DIS3: variants seen among roughly 807,000 people sequenced by gnomAD.
DIS3 encodes exosome complex exonuclease RRP44.
In DIS3, 103 loss-of-function variants were observed where a neutral mutation model predicts 113.0. That is an observed-to-expected ratio of 0.91 (90% CI 0.78 to 1.07). The LOEUF is 1.07. Among genes scored for constraint, DIS3 ranks in the 50% least tolerant of loss-of-function variants. The pLI, the probability that DIS3 is intolerant of heterozygous loss-of-function variation, is 0.00. For synonymous variants in DIS3, 402 were observed against 394.3 expected (o/e 1.02, Z -0.23); for missense variants, 1,121 against 1,167.1 (o/e 0.96, Z 0.58).
At chr13:72,775,476 C>T in intron 5 of DIS3, 101 bp from the exon 6 acceptor site, 1 of 1,244,942 alleles carries the variant, frequency 8.0e-7, no homozygotes, top group Non-Finnish European at 1.1e-6. Context: ...CTGAATATCT[C>T]TATGGAATCT....
At chr13:72,774,155 A>G in intron 6 of DIS3, 96 bp from the exon 7 acceptor site, 4 of 698,812 alleles carry the variant, frequency 5.7e-6, no homozygotes, top group Non-Finnish European at 4.6e-6. Context: ...ATACTAATCC[A>G]TTCAGGCAGT....
rs369825589 is a variant in DIS3, at chr13:72,781,713, T to C, written c.120A>G (p.Gly40=). ...GCGAPGCAAC[G]GAHEGPALEP... ...CCAGGGCCGGCCCCTCGTGCGCCCC[T>C]CCACACGCTGCGCACCCGGGCGCAC... The change falls in exon 1 of 21, where the codon GGA becomes GGG. Residue 40 remains glycine, a synonymous_variant. Coordinates refer to ENST00000377767, the MANE Select transcript of DIS3 (RefSeq NM_014953.5). The C allele has an allele frequency of 9.5e-4, 1,494 of 1,573,830 alleles. 2 individuals are homozygous for C. The highest frequency in any genetic ancestry group is 3.4e-3 in the Middle Eastern group (18 of 5,340).
intron 15 of DIS3, among the ~76,000 whole-genome samples, chr13:72,765,586 C>T (rs546445884): frequency 6.6e-6 from 1 of 152,130 alleles, no homozygotes; most frequent in South Asian, 2.1e-4. Context: ...ATGCTGCCAC[C>T]GATCTGACAG....
At position 72,756,180 on chromosome 13, in the gene DIS3, A is replaced by ATTC; in HGVS notation, c.*3614_*3615insGAA. 8.2e-6 allele frequency: 3 copies of ATTC among 366,072 alleles called. No homozygotes were observed. The highest frequency in any genetic ancestry group is 1.5e-5 in the Non-Finnish European group (3 of 206,710). 22.7% of individuals were successfully genotyped at this position (366,072 alleles called of 1,614,324 possible). A position where few individuals can be genotyped will look rare whatever the true frequency, so the allele number is the denominator to read the frequency against. ...AAACTGTCTCATTCAAAAGGGAATAAAGACCTGTGTTATCAATGTGTCATT... is the reference window on the plus strand; with the variant it reads ...AAACTGTCTCATTCAAAAGGGAATAATTCAGACCTGTGTTATCAATGTGTCATT... On this transcript the variant is annotated 3_prime_UTR_variant, in exon 21 of 21. Coordinates refer to ENST00000377767, the MANE Select transcript of DIS3 (RefSeq NM_014953.5).
At chr13:72,773,391 G>A (rs975179878) in intron 8 of DIS3, among the ~76,000 whole-genome samples, 1 of 152,150 alleles carries the variant, frequency 6.6e-6, no homozygotes, top group African/African-American at 2.4e-5. Flanking sequence ...GAACCTGGGA[G>A]GCTGAGGGTG....
At chr13:72,772,354 G>C (rs919666912) in intron 9 of DIS3, 79 bp from the exon 10 acceptor site, 1 of 1,097,926 alleles carries the variant, frequency 9.1e-7, no homozygotes, top group East Asian at 2.4e-5. Context: ...TGTGAAATCA[G>C]TAATATGTAT....
intron 15 of DIS3, among the ~76,000 whole-genome samples, chr13:72,765,539 C>G (rs1216050151): frequency 2.6e-5 from 4 of 152,154 alleles, no homozygotes; most frequent in Admixed American, 2.6e-4. Context: ...CTCCTACACA[C>G]AGTTCACAAT....
rs1302334541 is a variant in DIS3 at position 72,756,387 on chromosome 13, T to G, written c.*3408A>C. 1 of 154,024 alleles carries G rather than the reference T, an allele frequency of 6.5e-6. No homozygotes were observed. The highest frequency in any genetic ancestry group is 1.4e-5 in the Non-Finnish European group (1 of 69,380). The allele number at this position is 154,024 out of a possible 1,614,324, so 9.5% of individuals were successfully genotyped here. ...AATCACACAGGTGTTAAACTCAATA[T>G]AAATTTACCTAAAAACAATTGCTAT... On this transcript the variant is annotated 3_prime_UTR_variant, in exon 21 of 21. Coordinates refer to ENST00000377767, the MANE Select transcript of DIS3 (RefSeq NM_014953.5).
At position 72,773,825 on chromosome 13, in the gene DIS3, G is replaced by T; in HGVS notation, c.1102-4C>A. ...GTGTAAAGAGATGTCTTCTTGACTA[G>T]CAAAAATTAGGAATAAAGATTTTAC... is the stretch of plus-strand genomic sequence containing the variant. On this transcript the variant is annotated splice_region_variant and splice_polypyrimidine_tract_variant and intron_variant, in intron 7 of 20. Transcript: ENST00000377767. 1 of 1,601,710 alleles carries T rather than the reference G, an allele frequency of 6.2e-7. No homozygotes were observed. The highest frequency in any genetic ancestry group is 1.8e-5 in the Admixed American group (1 of 56,610).
At chr13:72,763,162 A>G (rs760268042) in intron 16 of DIS3, among the ~76,000 whole-genome samples, 3 of 151,988 alleles carry the variant, frequency 2.0e-5, no homozygotes, top group Non-Finnish European at 2.9e-5. Flanking sequence ...TTAGCCACTC[A>G]TGGTGGTGTG....
At position 72,759,890 on chromosome 13, in the gene DIS3, C is replaced by T. The variant is rs2138145711; in HGVS notation, c.2794-12G>A. The T allele has an allele frequency of 6.3e-7, 1 of 1,597,784 alleles. No individual in the cohort carries two copies. The highest frequency in any genetic ancestry group is 2.2e-5 in the East Asian group (1 of 44,722). ...CTTATTCCTGGTATCTAAAGTAATG[C>T]AAATGGGGGGAAATAAGGTGATTTA... is the stretch of plus-strand genomic sequence containing the variant. On this transcript the variant is annotated splice_polypyrimidine_tract_variant and intron_variant, in intron 20 of 20. Coordinates refer to ENST00000377767, the MANE Select transcript of DIS3 (RefSeq NM_014953.5).
chr13:72,780,902 T>G lies in DIS3; in HGVS notation c.330A>C (p.Arg110=), dbSNP rs776634103. Residue 110 remains arginine (R), a synonymous_variant, in exon 2 of 21, where the codon CGA becomes CGC. Transcript: ENST00000377767. The part of the protein sequence containing the change: ...NRSAPVYKRI[R]DVTNNQEKHF... ...GCTTCTCTTGGTTATTAGTCACATC[T>G]CGGATGCGTTTATATACGGGGGCAC... is the stretch of plus-strand genomic sequence containing the variant. The G allele has an allele frequency of 1.2e-6, 2 of 1,613,378 alleles. No individual in the cohort carries two copies. The highest frequency in any genetic ancestry group is 1.7e-6 in the Non-Finnish European group (2 of 1,179,814).
rs752351869 is a variant in DIS3 at position 72,773,690 on chromosome 13, A to T, written c.1233T>A (p.Tyr411Ter). 1 of 1,608,954 alleles carries T rather than the reference A, an allele frequency of 6.2e-7. No individual in the cohort carries two copies. Among genetic ancestry groups the T allele is most frequent in the African/African-American group, 1.3e-5 (1 of 74,752 alleles). Residue 411 changes from tyrosine (Y) to a stop codon, truncating the protein, a stop_gained, in exon 8 of 21, where the codon TAT (tyrosine) becomes TAA (stop). Transcript: ENST00000377767. LOFTEE classifies it high-confidence loss of function. ...AIDGWPRNSR[Y>*]PNGHFVRNLG... Reference sequence around the variant, plus strand: ...ATTAATACTTTAAGCTTACATTTGGATATCTGGAATTTCTGGGCCAACCAT... The same window carrying T: ...ATTAATACTTTAAGCTTACATTTGGTTATCTGGAATTTCTGGGCCAACCAT...
Position 72,762,117 on chromosome 13 carries a change from A to G in DIS3, c.2148T>C (p.Asp716=). The G allele has an allele frequency of 1.2e-6, 2 of 1,613,832 alleles. No homozygotes were observed. Among genetic ancestry groups the G allele is most frequent in the African/African-American group, 1.3e-5 (1 of 75,066 alleles). Residue 716 remains aspartate (D), a synonymous_variant, in exon 17 of 21, where the codon GAT becomes GAC. Transcript: ENST00000377767. ...AAGACTCAGCCAAAGACTTGGCTGTATCAGTCTTAATTTCCAAATTCTGTA... is the reference window on the plus strand; with the variant it reads ...AAGACTCAGCCAAAGACTTGGCTGTGTCAGTCTTAATTTCCAAATTCTGTA... ...ARSRNLEIKT[D]TAKSLAESLD...
chr13:72,766,192 A>G (rs933683904), intron 14 of DIS3, 134 bp from the exon 15 acceptor site: 3 of 617,312 alleles, frequency 4.9e-6, no homozygotes, highest in South Asian at 5.9e-5. Context: ...CTTTATGACC[A>G]TCTGCTGTTT....
Position 72,759,459 on chromosome 13 carries a change from A to C in DIS3, c.*336T>G, listed in dbSNP as rs2033571727. On this transcript the variant is annotated 3_prime_UTR_variant, in exon 21 of 21. Transcript: ENST00000377767. ...AGTTTTTTCTTACAAATATTAAATAATCAAAGTACTTACGCAAAATTAATC... is the reference window on the plus strand; with the variant it reads ...AGTTTTTTCTTACAAATATTAAATACTCAAAGTACTTACGCAAAATTAATC... The C allele has an allele frequency of 4.2e-6, 1 of 237,846 alleles. No homozygotes were observed. The allele number at this position is 237,846 out of a possible 1,614,324, so 14.7% of individuals were successfully genotyped here. A position where few individuals can be genotyped will look rare whatever the true frequency, so the allele number is the denominator to read the frequency against.
intron 15 of DIS3, among the ~76,000 whole-genome samples, 161 bp downstream of exon 15, chr13:72,765,811 A>G (rs1022162957): frequency 1.3e-5 from 2 of 152,272 alleles, no homozygotes; most frequent in African/African-American, 4.8e-5. Flanking sequence ...AGAAAAACTG[A>G]GCTTAAATTT....
In DIS3 at chr13:72,753,667, T is replaced by C; in HGVS notation, c.*6128A>G. 1.9e-6 allele frequency: 3 copies of C among 1,598,722 alleles called. No homozygotes were observed. Among genetic ancestry groups the C allele is most frequent in the East Asian group, 2.2e-5 (1 of 44,628 alleles). On this transcript the variant is annotated 3_prime_UTR_variant, in exon 21 of 21. Coordinates refer to ENST00000377767, the MANE Select transcript of DIS3 (RefSeq NM_014953.5). ...GACTTTTAAGTTCCTCACAATATAT[T>C]TTTTTCTTTTTTCTCCTGTCAGATG...
chr13:72,762,071 T>C lies in DIS3; in HGVS notation c.2194A>G (p.Thr732Ala), dbSNP rs767006927. ...AESLDQAESP[T>A]FPYLNTLLRI... ...AACAGAGTGTTTAGATATGGAAAAG[T>C]AGGAGATTCGGCCTGATCCAAAGAC... The change falls in exon 17 of 21, where the codon ACT becomes GCT. Residue 732 changes from threonine (T) to alanine (A), a missense_variant. Physicochemically the swap from Thr to Ala is moderately conservative, Grantham distance 58. Coordinates refer to ENST00000377767, the MANE Select transcript of DIS3 (RefSeq NM_014953.5). 6 of 1,614,072 alleles carry C rather than the reference T, an allele frequency of 3.7e-6. No individual in the cohort carries two copies. The highest frequency in any genetic ancestry group is 1.3e-5 in the African/African-American group (1 of 75,024).
Sources: gnomAD v4.1 joint callset for allele counts (sites outside exome capture counted in the v4.1 genomes callset) on GRCh38, gnomAD v4.1.1 for gene constraint, MANE v1.5 for transcripts, NCBI Gene and HGNC (gene_info 2026-07-23, HGNC 2026-07-21) for gene names.